Variants in GPC5 observed in about 807,000 individuals in gnomAD.
The protein encoded by GPC5 is glypican 5, also known as glypican-5.
A neutral mutation model predicts 53.9 loss-of-function variants in GPC5; 47 were observed. The ratio of observed to expected loss-of-function variants is 0.87; its 90% confidence interval spans 0.69 to 1.11. GPC5 has a LOEUF of 1.11. Ranked by LOEUF, GPC5 falls within the 50% of genes most tolerant of loss-of-function variation. The pLI, the probability that GPC5 is intolerant of heterozygous loss-of-function variation, is 0.00. For synonymous variants in GPC5, 286 were observed against 263.3 expected (o/e 1.09, Z -0.84); for missense variants, 748 against 713.1 (o/e 1.05, Z -0.56).
At chr13:91,944,934 A>C (rs1157461352) in intron 6 of GPC5, among the ~76,000 whole-genome samples, 3 of 152,148 alleles carry the variant, frequency 2.0e-5, no homozygotes, top group Non-Finnish European at 4.4e-5. Context: ...CTGAGGCCAA[A>C]ATGATTTTCT....
chr13:91,751,121 C>T (rs1441530706), intron 4 of GPC5, among the ~76,000 whole-genome samples: 1 of 152,146 alleles, frequency 6.6e-6, no homozygotes, highest in Non-Finnish European at 1.5e-5. Flanking sequence ...ATTCCTGCCA[C>T]CTAAACCCTG....
intron 3 of GPC5, among the ~76,000 whole-genome samples, chr13:91,696,168 A>T (rs765844635): frequency 6.6e-6 from 1 of 152,214 alleles, no homozygotes; most frequent in Non-Finnish European, 1.5e-5. Context: ...GACCTTGGTG[A>T]AGCAGGTGAC....
At chr13:91,517,358 C>T (rs1885559892) in intron 2 of GPC5, among the ~76,000 whole-genome samples, 1 of 152,162 alleles carries the variant, frequency 6.6e-6, no homozygotes. Flanking sequence ...TTCAAAGTTC[C>T]ACAGATCTCT....
intron 7 of GPC5, among the ~76,000 whole-genome samples, chr13:92,147,480 A>G (rs990520704): frequency 6.6e-6 from 1 of 152,040 alleles, no homozygotes; most frequent in Non-Finnish European, 1.5e-5. Flanking sequence ...AACTTGTTAT[A>G]TATTAGTACG....
At chr13:91,830,515 T>C (rs2038638475) in intron 5 of GPC5, among the ~76,000 whole-genome samples, 1 of 151,758 alleles carries the variant, frequency 6.6e-6, no homozygotes, top group Non-Finnish European at 1.5e-5. Flanking sequence ...GGGGAAGTGA[T>C]AAGTGTCCAT....
At chr13:91,820,988 A>T (rs74780472) in intron 5 of GPC5, among the ~76,000 whole-genome samples, 1 of 108,288 alleles carries the variant, frequency 9.2e-6, no homozygotes, top group African/African-American at 4.1e-5. Context: ...AAATAAAATA[A>T]AAAAAAAAAA....
At chr13:92,808,151 A>G (rs1384366236) in intron 7 of GPC5, among the ~76,000 whole-genome samples, 2 of 139,566 alleles carry the variant, frequency 1.4e-5, no homozygotes, top group African/African-American at 4.9e-5. Context: ...AAAATAAACA[A>G]AACATTTCTA....
intron 5 of GPC5, among the ~76,000 whole-genome samples, chr13:91,772,847 G>A (rs759088004): frequency 2.8e-4 from 42 of 152,190 alleles, no homozygotes; most frequent in Non-Finnish European, 4.3e-4. Context: ...GTTTTAAGGA[G>A]CTCTCCAGAT....
intron 6 of GPC5, among the ~76,000 whole-genome samples, chr13:91,937,818 A>T (rs2039885348): frequency 6.6e-6 from 1 of 152,102 alleles, no homozygotes; most frequent in Non-Finnish European, 1.5e-5. Flanking sequence ...AAGATCTAAG[A>T]CATTTTATTA....
At chr13:91,484,470 G>A (rs763359457) in intron 2 of GPC5, among the ~76,000 whole-genome samples, 1 of 152,118 alleles carries the variant, frequency 6.6e-6, no homozygotes, top group Non-Finnish European at 1.5e-5. Context: ...TTTGCAATAA[G>A]CTTTTCATTT....
chr13:92,546,085 T>A (rs2139008633), intron 7 of GPC5, among the ~76,000 whole-genome samples: 1 of 152,228 alleles, frequency 6.6e-6, no homozygotes, highest in South Asian at 2.1e-4. Flanking sequence ...CTGGAAGCAT[T>A]CCCTTGGAAA....
intron 3 of GPC5, among the ~76,000 whole-genome samples, chr13:91,718,613 C>T (rs943535662): frequency 1.3e-5 from 2 of 151,904 alleles, no homozygotes; most frequent in Non-Finnish European, 2.9e-5. Context: ...ATTATATTTT[C>T]TTGGACACCA....
chr13:91,858,636 C>A (rs946875823), intron 5 of GPC5, among the ~76,000 whole-genome samples: 2 of 151,588 alleles, frequency 1.3e-5, no homozygotes, highest in East Asian at 3.9e-4. Flanking sequence ...ATTCATGTGT[C>A]TTTGGTTTTG....
At chr13:92,319,572 C>A (rs1172045490) in intron 7 of GPC5, among the ~76,000 whole-genome samples, 2 of 152,140 alleles carry the variant, frequency 1.3e-5, no homozygotes, top group Non-Finnish European at 1.5e-5. Flanking sequence ...GGCACATCAG[C>A]ATAGCCCTTA....
chr13:92,380,660 C>A (rs934449237), intron 7 of GPC5, among the ~76,000 whole-genome samples: 8 of 149,934 alleles, frequency 5.3e-5, no homozygotes, highest in Non-Finnish European at 7.4e-5. Context: ...TGGAAATCAT[C>A]ATTCTCAGCA....
chr13:91,866,335 G>A (rs1022853814), intron 5 of GPC5, among the ~76,000 whole-genome samples: 2 of 152,168 alleles, frequency 1.3e-5, no homozygotes, highest in South Asian at 4.1e-4. Flanking sequence ...ATATGGTTTG[G>A]ATATTTTGTC....
intron 2 of GPC5, among the ~76,000 whole-genome samples, chr13:91,598,371 CAT>C (rs1444790880): frequency 6.6e-6 from 1 of 151,622 alleles, no homozygotes; most frequent in Admixed American, 6.6e-5. Flanking sequence ...ACAAATATAA[CAT>C]GTTTACAGAT....
At chr13:92,455,431 G>A (rs1878224917) in intron 7 of GPC5, among the ~76,000 whole-genome samples, 1 of 152,106 alleles carries the variant, frequency 6.6e-6, no homozygotes, top group South Asian at 2.1e-4. Context: ...GAATACCACT[G>A]AAATAGATAA....
At chr13:92,286,025 A>G (rs1594068803) in intron 7 of GPC5, among the ~76,000 whole-genome samples, 1 of 152,176 alleles carries the variant, frequency 6.6e-6, no homozygotes, top group African/African-American at 2.4e-5. Flanking sequence ...GAATCTACAA[A>G]GAACTCAAAG....
Sources: allele counts gnomAD v4.1 joint callset (sites outside exome capture counted in the v4.1 genomes callset), GRCh38; gene constraint gnomAD v4.1.1; transcripts MANE v1.5; gene names NCBI Gene and HGNC (gene_info 2026-07-23, HGNC 2026-07-21).